IL33: variants seen among roughly 807,000 people sequenced by gnomAD.
IL33 encodes the protein interleukin 33.
A neutral mutation model predicts 27.3 loss-of-function variants in IL33; 37 were observed. The observed-to-expected ratio is 1.36, with a 90% CI of 1.04 to 1.78. IL33 has a LOEUF of 1.78. Among genes scored for constraint, IL33 ranks in the 40% most tolerant of loss-of-function variants. The probability of loss-of-function intolerance (pLI) is 0.00; values close to 1 mark genes in which losing one functional copy is unlikely to be tolerated. For synonymous variants in IL33, 132 were observed against 102.9 expected (o/e 1.28, Z -1.71); for missense variants, 406 against 311.4 (o/e 1.30, Z -2.29).
At chr9:6,232,624 G>C (rs1287322497) in intron 1 of IL33, among the ~76,000 whole-genome samples, 1 of 151,932 alleles carries the variant, frequency 6.6e-6, no homozygotes, top group Non-Finnish European at 1.5e-5. Flanking sequence ...CCATTTTCTT[G>C]TGTGCACATT....
rs747629618 is a variant in IL33 at position 6,220,353 on chromosome 9, G to A, written c.-12+4501G>A. On this transcript the variant is annotated intron_variant, in intron 1 of 7. Coordinates refer to ENST00000682010, the MANE Select transcript of IL33 (RefSeq NM_033439.4). ...TAAGAATGTTTTGCTCATTATTTCC[G>A]ACATAGTTCCTAGCAAAGATTCAAT... 3.0e-4 allele frequency among the ~76,000 whole-genome samples: 45 copies of A among 152,082 alleles called. 1 individual carries two copies. The highest frequency in any genetic ancestry group is 2.0e-4 in the Admixed American group (3 of 15,252).
chr9:6,252,743 A>T, intron 4 of IL33, 123 bp from the exon 5 acceptor site: 1 of 1,140,342 alleles, frequency 8.8e-7, no homozygotes, highest in Non-Finnish European at 1.3e-6. Context: ...CAAAGGCTTT[A>T]ATCTAGCCAA....
rs1361537807 is a variant in IL33, at chr9:6,256,208, G to A, written c.*40G>A. The stretch of plus-strand genomic sequence containing the variant: ...TGAGTCTTGGGTTGAGTACCCAAAT[G>A]CTACCACTGGAGAAGGAATGAGAGA... On this transcript the variant is annotated 3_prime_UTR_variant, in exon 8 of 8. Transcript: ENST00000682010. 2.2e-6 allele frequency: 3 copies of A among 1,388,452 alleles called. No homozygotes were observed. The highest frequency in any genetic ancestry group is 1.4e-5 in the African/African-American group (1 of 70,244). 86.0% of individuals were successfully genotyped at this position (1,388,452 alleles called of 1,614,324 possible). A position where few individuals can be genotyped will look rare whatever the true frequency, so the allele number is the denominator to read the frequency against.
chr9:6,240,369 TA>T (rs1195378696), intron 1 of IL33, among the ~76,000 whole-genome samples: 3 of 152,070 alleles, frequency 2.0e-5, no homozygotes, highest in African/African-American at 4.8e-5. Flanking sequence ...GGGTAAGGGA[TA>T]AAAGACTACA....
At chr9:6,246,518 C>T (rs145184720) in intron 2 of IL33, among the ~76,000 whole-genome samples, 8,170 of 152,056 alleles carry the variant, frequency 0.054, 700 homozygotes, top group African/African-American at 0.18. Context: ...GCCAAGATTG[C>T]ACCACTGCAC....
At chr9:6,218,692 CAT>C (rs1206922173) in intron 1 of IL33, among the ~76,000 whole-genome samples, 3,464 of 119,362 alleles carry the variant, frequency 0.029, 46 homozygotes, top group African/African-American at 0.045. Context: ...ATATGTTCTC[CAT>C]ATATATATAT....
At chr9:6,235,361 C>G (rs1053015158) in intron 1 of IL33, among the ~76,000 whole-genome samples, 1 of 152,020 alleles carries the variant, frequency 6.6e-6, no homozygotes, top group South Asian at 2.1e-4. Context: ...ATTCTTTATA[C>G]CAAAAGTAAC....
intron 1 of IL33, among the ~76,000 whole-genome samples, chr9:6,235,039 A>C (rs548597583): frequency 5.3e-5 from 8 of 152,158 alleles, no homozygotes; most frequent in African/African-American, 1.9e-4. Context: ...TTTTTTCACT[A>C]TCTTTATTTT....
chr9:6,251,463 T>C (rs531179059), intron 4 of IL33, among the ~76,000 whole-genome samples, 198 bp downstream of exon 4: 46 of 152,292 alleles, frequency 3.0e-4, no homozygotes, highest in African/African-American at 9.6e-4. Flanking sequence ...TGTACATGCA[T>C]TCTCTAGTTA....
At chr9:6,250,362 T>A in intron 2 of IL33, 112 bp from the exon 3 acceptor site, 1 of 1,247,150 alleles carries the variant, frequency 8.0e-7, no homozygotes, top group Non-Finnish European at 1.1e-6. Flanking sequence ...TAAGGATTTC[T>A]GATAAGATAC....
intron 2 of IL33, among the ~76,000 whole-genome samples, chr9:6,246,574 T>A (rs891505488): frequency 1.1e-3 from 166 of 150,240 alleles, no homozygotes; most frequent in African/African-American, 3.8e-3. Context: ...AAAATAAAAA[T>A]AAAAAAAAAG....
At chr9:6,241,543 G>C (rs1170539713) in intron 1 of IL33, 141 bp from the exon 2 acceptor site, 3 of 546,036 alleles carry the variant, frequency 5.5e-6, no homozygotes, top group Non-Finnish European at 1.0e-5. Flanking sequence ...TGCATAGTTA[G>C]AATACTACGT....
chr9:6,256,249 G>A lies in IL33; in HGVS notation c.*81G>A. 9.9e-7 allele frequency: 1 copy of A among 1,006,630 alleles called. No homozygotes were observed. The highest frequency in any genetic ancestry group is 1.5e-6 in the Non-Finnish European group (1 of 650,730). 62.4% of individuals were successfully genotyped at this position (1,006,630 alleles called of 1,614,324 possible). On this transcript the variant is annotated 3_prime_UTR_variant, in exon 8 of 8. Coordinates refer to ENST00000682010, the MANE Select transcript of IL33 (RefSeq NM_033439.4). ...GAATGAGAGATAAAGAAAGAGACAG[G>A]TGACATCTAAGGGAAATGAAGAGTG...
At chr9:6,237,129 A>G (rs1252948806) in intron 1 of IL33, among the ~76,000 whole-genome samples, 2 of 152,198 alleles carry the variant, frequency 1.3e-5, no homozygotes, top group East Asian at 3.8e-4. Context: ...TGAGACCAGC[A>G]CTTTATAAAT....
intron 1 of IL33, among the ~76,000 whole-genome samples, chr9:6,222,855 G>A (rs190116424): frequency 6.6e-6 from 1 of 152,054 alleles, no homozygotes; most frequent in African/African-American, 2.4e-5. Context: ...TGGAGAATAG[G>A]GAACAGTTGA....
intron 1 of IL33, among the ~76,000 whole-genome samples, chr9:6,218,122 A>C (rs988492465): frequency 1.3e-5 from 2 of 152,200 alleles, no homozygotes; most frequent in African/African-American, 4.8e-5. Context: ...GTATTGTCTG[A>C]AACAGTTAAG....
rs116092309 is a variant in IL33, at chr9:6,240,329, G to A, written c.-11-1355G>A. Among the ~76,000 whole-genome samples, 922 of 152,232 alleles carry A rather than the reference G, an allele frequency of 6.1e-3. 7 individuals are homozygous for A. The highest frequency in any genetic ancestry group is 0.021 in the African/African-American group (875 of 41,534). On this transcript the variant is annotated intron_variant, in intron 1 of 7. Transcript: ENST00000682010. ...GTCCAGAAAGGTGGGATAACTTGAA[G>A]CGTGGGGTGGAGGGGTTCAGCTGGG...
chr9:6,244,722 G>A (rs1819726042), intron 2 of IL33, among the ~76,000 whole-genome samples: 1 of 152,130 alleles, frequency 6.6e-6, no homozygotes, highest in South Asian at 2.1e-4. Context: ...GTATGTGACA[G>A]GTGTAAACTG....
At chr9:6,243,147 G>A (rs558413341) in intron 2 of IL33, among the ~76,000 whole-genome samples, 10 of 152,206 alleles carry the variant, frequency 6.6e-5, no homozygotes, top group African/African-American at 1.9e-4. Context: ...CAGGAGACTT[G>A]GTGGGACCAA....
Sources: gnomAD v4.1 joint callset for allele counts (sites outside exome capture counted in the v4.1 genomes callset) on GRCh38, gnomAD v4.1.1 for gene constraint, MANE v1.5 for transcripts, NCBI Gene and HGNC (gene_info 2026-07-23, HGNC 2026-07-21) for gene names.